The following P2RY8 variants were observed in gnomAD, a reference collection of about 807,000 sequenced individuals.
The protein encoded by P2RY8 is S-geranylgeranyl-glutathione receptor P2RY8.
A neutral mutation model predicts 10.0 loss-of-function variants in P2RY8; 6 were observed. The observed-to-expected ratio is 0.60, with a 90% CI of 0.33 to 1.19. The LOEUF (loss-of-function observed/expected upper bound fraction) is 1.19. Among genes scored for constraint, P2RY8 ranks in the 50% most tolerant of loss-of-function variants. P2RY8 has a pLI of 0.04. For synonymous variants in P2RY8, 276 were observed against 252.5 expected, an observed-to-expected ratio of 1.09 and a Z score of -0.88; for missense variants, 456 against 542.0, an observed-to-expected ratio of 0.84 and a Z score of 1.58.
rs748244302 is a variant in P2RY8, at chrX:1,523,713, C to T, written c.-25+13208G>A. ...TTATTTATTTCTTGAGACGGAGCCT[C>T]CCTCTGTCGTCCAGCCTGGAGTGCA... is the stretch of plus-strand genomic sequence containing the variant. On this transcript the variant is annotated intron_variant, in intron 1 of 1. Transcript: ENST00000381297. 5.3e-5 allele frequency among the ~76,000 whole-genome samples: 8 copies of T among 152,242 alleles called. No homozygotes were observed. In the East Asian group the frequency reaches 1.3e-3, roughly 26 times the overall value.
intron 1 of P2RY8, among the ~76,000 whole-genome samples, chrX:1,472,808 T>G (rs1331782952): frequency 6.7e-6 from 1 of 148,960 alleles, no homozygotes; most frequent in Non-Finnish European, 1.5e-5. Context: ...GATGGGTAGA[T>G]GGATGGGTGG....
At chrX:1,483,105 A>T in intron 1 of P2RY8, among the ~76,000 whole-genome samples, 1 of 152,338 alleles carries the variant, frequency 6.6e-6, no homozygotes, top group South Asian at 2.1e-4. Context: ...AAAATCAATT[A>T]TTTTAATTTA....
intron 1 of P2RY8, among the ~76,000 whole-genome samples, chrX:1,514,401 T>C (rs867665152): frequency 2.7e-5 from 2 of 72,748 alleles, no homozygotes; most frequent in African/African-American, 1.2e-4. Flanking sequence ...CCCTTCCCTT[T>C]CCTCCCCTCC....
chrX:1,530,203 T>TCTAC (rs2092464531), intron 1 of P2RY8, among the ~76,000 whole-genome samples: 1 of 150,744 alleles, frequency 6.6e-6, no homozygotes, highest in African/African-American at 2.4e-5. Flanking sequence ...TATCTATCTA[T>TCTAC]CTATCTATCT....
chrX:1,515,501 A>G (rs2149406348), intron 1 of P2RY8, among the ~76,000 whole-genome samples: 1 of 151,266 alleles, frequency 6.6e-6, no homozygotes, highest in South Asian at 2.1e-4. Flanking sequence ...CTTCCCGAGT[A>G]GCTGGGACTA....
At chrX:1,469,303 A>G (rs1378972240) in intron 1 of P2RY8, among the ~76,000 whole-genome samples, 7 of 150,440 alleles carry the variant, frequency 4.7e-5, no homozygotes, top group African/African-American at 1.7e-4. Context: ...AGCTGGGATT[A>G]CATGCATGCA....
At chrX:1,473,046 T>A (rs1255903980) in intron 1 of P2RY8, among the ~76,000 whole-genome samples, 3 of 136,732 alleles carry the variant, frequency 2.2e-5, no homozygotes, top group Non-Finnish European at 4.7e-5. Flanking sequence ...GGTGAGTGGG[T>A]GGGTGGATGG....
rs192629663 is a variant in P2RY8 at position 1,514,278 on chromosome X, G to T, written c.-25+22643C>A. ...TCTGCCTACCACAGCTGGGTTCTGT[G>T]CTTGGTATGGACACCCGCCCCTTTC... is the stretch of plus-strand genomic sequence containing the variant. On this transcript the variant is annotated intron_variant, in intron 1 of 1. Coordinates refer to ENST00000381297, the MANE Select transcript of P2RY8 (RefSeq NM_178129.5). Among the ~76,000 whole-genome samples the T allele has an allele frequency of 5.7e-3, 866 of 152,096 alleles. 14 individuals carry two copies. The highest frequency in any genetic ancestry group is 0.019 in the African/African-American group (808 of 41,510).
intron 1 of P2RY8, among the ~76,000 whole-genome samples, chrX:1,526,492 C>A (rs1436967827): frequency 6.6e-6 from 1 of 152,030 alleles, no homozygotes; most frequent in African/African-American, 2.4e-5. Context: ...ATTTATCCAT[C>A]CATCCATCCA....
intron 1 of P2RY8, among the ~76,000 whole-genome samples, chrX:1,514,730 T>TC (rs1425263541): frequency 0.1 from 81 of 804 alleles, 23 homozygotes; most frequent in Non-Finnish European, 0.34. Context: ...TCCCTTCCCT[T>TC]CCTTCCCTTC....
intron 1 of P2RY8, among the ~76,000 whole-genome samples, chrX:1,478,359 T>C: frequency 6.6e-6 from 1 of 151,800 alleles, no homozygotes. Context: ...AGGCAGACTG[T>C]AGATAAGAGA....
At chrX:1,513,772 T>C (rs1373214494) in intron 1 of P2RY8, among the ~76,000 whole-genome samples, 3 of 151,300 alleles carry the variant, frequency 2.0e-5, no homozygotes, top group East Asian at 3.9e-4. Flanking sequence ...GGATCCCTCC[T>C]GCCTCTCCCA....
At chrX:1,500,038 T>C in intron 1 of P2RY8, among the ~76,000 whole-genome samples, 1 of 124,886 alleles carries the variant, frequency 8.0e-6, no homozygotes, top group Non-Finnish European at 1.8e-5. Flanking sequence ...TTTTGTATTT[T>C]TAGTAGAGAC....
intron 1 of P2RY8, among the ~76,000 whole-genome samples, chrX:1,508,384 C>T (rs2092254306): frequency 6.6e-6 from 1 of 152,116 alleles, no homozygotes; most frequent in Non-Finnish European, 1.5e-5. Flanking sequence ...CCAGGGACAC[C>T]GTTCAACACA....
chrX:1,503,740 C>T (rs1294449417), intron 1 of P2RY8, among the ~76,000 whole-genome samples: 2 of 151,858 alleles, frequency 1.3e-5, no homozygotes, highest in African/African-American at 2.4e-5. Context: ...GCTAAAAATA[C>T]AAAAATTAGC....
At chrX:1,487,766 C>T in intron 1 of P2RY8, among the ~76,000 whole-genome samples, 1 of 152,126 alleles carries the variant, frequency 6.6e-6, no homozygotes, top group East Asian at 1.9e-4. Flanking sequence ...TGGGCAGGTG[C>T]ATTTGCACCT....
At chrX:1,514,753 C>T (rs867279660) in intron 1 of P2RY8, among the ~76,000 whole-genome samples, 1 of 85,542 alleles carries the variant, frequency 1.2e-5, no homozygotes, top group Non-Finnish European at 2.4e-5. Flanking sequence ...TCCCTTCCTT[C>T]CCTTCCCTTC....
At chrX:1,521,356 C>G (rs2092390315) in intron 1 of P2RY8, among the ~76,000 whole-genome samples, 2 of 151,966 alleles carry the variant, frequency 1.3e-5, no homozygotes, top group African/African-American at 4.8e-5. Context: ...TTTATCCTCT[C>G]TGATTTCTAA....
intron 1 of P2RY8, among the ~76,000 whole-genome samples, chrX:1,472,111 C>T (rs4308914): frequency 0.53 from 80,230 of 151,634 alleles, 21,443 homozygotes; most frequent in South Asian, 0.65. Context: ...ACTTTGATTA[C>T]GTAGAAGGAA....
Sources: gnomAD v4.1 joint callset for allele counts (sites outside exome capture counted in the v4.1 genomes callset) on GRCh38, gnomAD v4.1.1 for gene constraint, MANE v1.5 for transcripts, NCBI Gene and HGNC (gene_info 2026-07-23, HGNC 2026-07-21) for gene names.